The following HS1BP3 variants were observed in gnomAD, a reference collection of about 807,000 sequenced individuals.
The protein encoded by HS1BP3 is HCLS1 binding protein 3.
In HS1BP3, 32 loss-of-function variants were observed where a neutral mutation model predicts 33.5. That is an observed-to-expected ratio of 0.95 (90% CI 0.72 to 1.28). HS1BP3 has a LOEUF of 1.28. Among genes scored for constraint, HS1BP3 ranks in the 50% most tolerant of loss-of-function variants. The pLI is 0.00. For synonymous variants in HS1BP3, 187 were observed against 209.2 expected (o/e 0.89, Z 0.92); for missense variants, 486 against 502.3 (o/e 0.97, Z 0.31).
rs372668572 is a variant in HS1BP3 at position 20,605,692 on chromosome 2, T to C, written c.179-7427A>G. Among the ~76,000 whole-genome samples, 181 of 152,380 alleles carry C rather than the reference T, an allele frequency of 1.2e-3. 5 individuals carry two copies. The South Asian group carries it at 0.035, about 30-fold the overall frequency. ...ATGGTATCCTACAATGTGTGACCCT[T>C]GGTGACTGGCTTCTTTCACTCAGCT... On this transcript the variant is annotated intron_variant, in intron 2 of 3. Coordinates refer to the HS1BP3 transcript ENST00000415264.
chr2:20,593,975 C>T (rs957874019), intron 3 of HS1BP3, among the ~76,000 whole-genome samples: 1 of 152,240 alleles, frequency 6.6e-6, no homozygotes, highest in Non-Finnish European at 1.5e-5. Context: ...AGAAGAGGGA[C>T]GTGGGCTTCT....
intron 2 of HS1BP3, chr2:20,598,273 G>T: frequency 2.4e-6 from 1 of 418,290 alleles, no homozygotes; most frequent in Non-Finnish European, 4.9e-6. Context: ...CACCTTCAGG[G>T]GATGAGAGAC....
At chr2:20,616,815 A>G (rs1334767826), downstream of HS1BP3, among the ~76,000 whole-genome samples, 2 of 152,092 alleles carry the variant, frequency 1.3e-5, no homozygotes, top group Admixed American at 1.3e-4. Flanking sequence ...AGAAAAGAAC[A>G]TCACTAACAC....
In HS1BP3 at chr2:20,562,814, G is replaced by T. The variant is rs150272483; in HGVS notation, c.303-2299C>A. On this transcript the variant is annotated intron_variant, in intron 5 of 5. Transcript: ENST00000446825. ...TTCCTTGGTGGCGGGAAAACAACTC[G>T]CACACGTCTGGTGTTGGAAGCATTG... Among the ~76,000 whole-genome samples, 251 of 152,304 alleles carry T rather than the reference G, an allele frequency of 1.6e-3. 2 individuals carry two copies. The highest frequency in any genetic ancestry group is 5.9e-3 in the African/African-American group (245 of 41,562).
intron 4 of HS1BP3, 69 bp downstream of exon 4, chr2:20,638,367 G>A (rs769910068): frequency 3.5e-6 from 5 of 1,448,312 alleles, no homozygotes; most frequent in Non-Finnish European, 4.7e-6. Context: ...AGATTCCAGG[G>A]AAGGGGGACG....
chr2:20,600,990 C>G lies in HS1BP3; in HGVS notation c.179-2725G>C, dbSNP rs1207094210. 2.0e-5 allele frequency among the ~76,000 whole-genome samples: 3 copies of G among 152,106 alleles called. No individual in the cohort carries two copies. The South Asian group carries it at 6.2e-4, about 31-fold the overall frequency. ...TCGGAGAGTTAAACTTTCTTTTTAACTAATATTTTATTAATTCAAGTACCA... is the reference window on the plus strand; with the variant it reads ...TCGGAGAGTTAAACTTTCTTTTTAAGTAATATTTTATTAATTCAAGTACCA... On this transcript the variant is annotated intron_variant, in intron 2 of 3. Coordinates refer to the HS1BP3 transcript ENST00000415264.
chr2:20,621,203 G>A (rs1362075413), intron 6 of HS1BP3, among the ~76,000 whole-genome samples: 1 of 152,240 alleles, frequency 6.6e-6, no homozygotes, highest in Non-Finnish European at 1.5e-5. Context: ...CACTACCAGA[G>A]AGCCTGTGTG....
chr2:20,562,584 A>G (rs1324394431), intron 5 of HS1BP3, among the ~76,000 whole-genome samples: 1 of 152,246 alleles, frequency 6.6e-6, no homozygotes, highest in Non-Finnish European at 1.5e-5. Context: ...GAACCTGCAG[A>G]GGGGGTCACA....
At chr2:20,582,478 C>G (rs1483679081) in intron 5 of HS1BP3, among the ~76,000 whole-genome samples, 1 of 152,088 alleles carries the variant, frequency 6.6e-6, no homozygotes, top group Non-Finnish European at 1.5e-5. Flanking sequence ...GTAGCAGGCT[C>G]TAAGAGTGCC....
At chr2:20,571,169 C>T (rs373148362) in intron 5 of HS1BP3, among the ~76,000 whole-genome samples, 1 of 152,332 alleles carries the variant, frequency 6.6e-6, no homozygotes, top group African/African-American at 2.4e-5. Context: ...AACTGAAGGC[C>T]CAAGTCTGAA....
chr2:20,643,728 G>A (rs1695429628), intron 2 of HS1BP3, among the ~76,000 whole-genome samples: 3 of 151,912 alleles, frequency 2.0e-5, no homozygotes, highest in South Asian at 2.1e-4. Flanking sequence ...AGGAGTTTGA[G>A]ACCAGCCTGG....
At chr2:20,569,705 C>T (rs1392826626) in intron 5 of HS1BP3, among the ~76,000 whole-genome samples, 1 of 152,260 alleles carries the variant, frequency 6.6e-6, no homozygotes, top group Non-Finnish European at 1.5e-5. Flanking sequence ...CCATTGATCC[C>T]AGTGAGTCTC....
rs559061838 is a variant in HS1BP3 at position 20,639,433 on chromosome 2, G to T, written c.407-781C>A. 5.3e-5 allele frequency among the ~76,000 whole-genome samples: 8 copies of T among 152,372 alleles called. No homozygotes were observed. The South Asian group carries it at 1.7e-3, about 32-fold the overall frequency. On this transcript the variant is annotated intron_variant, in intron 3 of 6. Transcript: ENST00000304031. The stretch of plus-strand genomic sequence containing the variant: ...AAAGAGCTAGCCCTTGCCACAGATA[G>T]TTTGAGAAGCGTGGGCTCAGACTAT...
chr2:20,640,810 C>T (rs1695315715), intron 3 of HS1BP3, 163 bp downstream of exon 3: 1 of 690,146 alleles, frequency 1.4e-6, no homozygotes, highest in Non-Finnish European at 2.6e-6. Flanking sequence ...TCCTTCTGCC[C>T]ACCATCCAGC....
At chr2:20,574,532 G>A (rs1693353873) in intron 5 of HS1BP3, among the ~76,000 whole-genome samples, 1 of 152,206 alleles carries the variant, frequency 6.6e-6, no homozygotes, top group Non-Finnish European at 1.5e-5. Flanking sequence ...GAAGACCTGG[G>A]GCATACCTCA....
intron 5 of HS1BP3, among the ~76,000 whole-genome samples, chr2:20,577,917 A>G (rs1239929229): frequency 6.6e-6 from 1 of 152,248 alleles, no homozygotes; most frequent in African/African-American, 2.4e-5. Flanking sequence ...ACACATTTCC[A>G]GGCCTGCCTC....
downstream of HS1BP3, among the ~76,000 whole-genome samples, chr2:20,616,036 A>T (rs776145245): frequency 1.1e-4 from 16 of 152,336 alleles, no homozygotes; most frequent in African/African-American, 3.1e-4. Flanking sequence ...GCCGGGAGGA[A>T]GGGAGCAGTG....
At chr2:20,649,283 C>CT (rs2149305843) in intron 1 of HS1BP3, among the ~76,000 whole-genome samples, 1 of 152,360 alleles carries the variant, frequency 6.6e-6, no homozygotes, top group South Asian at 2.1e-4. Context: ...CCTCGGGACC[C>CT]TGGCTCCTGC....
chr2:20,580,918 T>C (rs1693518206), intron 5 of HS1BP3, among the ~76,000 whole-genome samples: 1 of 152,222 alleles, frequency 6.6e-6, no homozygotes, highest in South Asian at 2.1e-4. Flanking sequence ...CCTGCTGAAC[T>C]CACACCACGG....
Sources: gnomAD v4.1 joint callset for allele counts (sites outside exome capture counted in the v4.1 genomes callset) on GRCh38, gnomAD v4.1.1 for gene constraint, MANE v1.5 for transcripts, NCBI Gene and HGNC (gene_info 2026-07-23, HGNC 2026-07-21) for gene names.